KRT9: variants seen among roughly 807,000 people sequenced by gnomAD.
The protein encoded by KRT9 is keratin, type I cytoskeletal 9.
In KRT9, 34 loss-of-function variants were observed where a neutral mutation model predicts 51.4. The observed-to-expected ratio is 0.66, with a 90% CI of 0.50 to 0.88. The LOEUF is 0.88. Ranked by LOEUF, KRT9 falls within the 40% of genes least tolerant of loss-of-function variation. The probability of loss-of-function intolerance (pLI) is 0.00; values close to 1 mark genes in which losing one functional copy is unlikely to be tolerated. For missense variants in KRT9, 753 were observed against 790.3 expected, an observed-to-expected ratio of 0.95 and a Z score of 0.57; for synonymous variants, 292 against 289.7, an observed-to-expected ratio of 1.01 and a Z score of -0.08.
In KRT9 at chr17:41,572,006, G is replaced by A; in HGVS notation, c.-14C>T. On this transcript the variant is annotated 5_prime_UTR_variant, in exon 1 of 8. Coordinates refer to ENST00000246662, the MANE Select transcript of KRT9 (RefSeq NM_000226.4). ...TCTGCAGCTCATGACACAGCTGGTAGCTCACGGGTTGAGAAGCAGTGATAG... is the reference window on the plus strand; with the variant it reads ...TCTGCAGCTCATGACACAGCTGGTAACTCACGGGTTGAGAAGCAGTGATAG... 1 of 1,567,164 alleles carries A rather than the reference G, an allele frequency of 6.4e-7. No individual in the cohort carries two copies. The highest frequency in any genetic ancestry group is 8.6e-7 in the Non-Finnish European group (1 of 1,159,772).
In KRT9 at chr17:41,568,154, G is replaced by A. The variant is rs761668776; in HGVS notation, c.1394+8C>T. Reference sequence around the variant, plus strand: ...CCCAGGGGTTCCACCAAATCCTGGGGGACCTACAAGTCTTCCTGGCCTCCC... The same window carrying A: ...CCCAGGGGTTCCACCAAATCCTGGGAGACCTACAAGTCTTCCTGGCCTCCC... On this transcript the variant is annotated splice_region_variant and intron_variant, in intron 6 of 7. Coordinates refer to ENST00000246662, the MANE Select transcript of KRT9 (RefSeq NM_000226.4). The A allele has an allele frequency of 1.2e-6, 2 of 1,611,618 alleles. No individual in the cohort carries two copies. The highest frequency in any genetic ancestry group is 1.7e-6 in the Non-Finnish European group (2 of 1,178,498).
rs1310435573 is a variant in KRT9, at chr17:41,571,917, C to T, written c.76G>A (p.Gly26Ser). ...GGGGGGLGSG[G>S]SIRSSYSRFS... ...CGGCTGTAGGAAGACCTTATGCTGCCCCCGCTGCCCAGGCCGCCCCCGCCA... is the reference window on the plus strand; with the variant it reads ...CGGCTGTAGGAAGACCTTATGCTGCTCCCGCTGCCCAGGCCGCCCCCGCCA... Residue 26 changes from glycine (G) to serine (S), a missense_variant, in exon 1 of 8, where the codon GGC becomes AGC. By Grantham distance (56) the Gly-to-Ser change is moderately conservative (BLOSUM62 0). Around this residue, in one of 3 missense-constraint regions of KRT9, gnomAD observed 241 missense variants for 210.3 expected, o/e 1.15. Transcript: ENST00000246662. 6.3e-7 allele frequency: 1 copy of T among 1,593,708 alleles called. No individual in the cohort carries two copies. The highest frequency in any genetic ancestry group is 2.3e-5 in the East Asian group (1 of 43,942).
chr17:41,569,918 C>T lies in KRT9; in HGVS notation c.823G>A (p.Glu275Lys), dbSNP rs1426874974. ...DNLTMEKSDL[E>K]MQYETLQEEL... is the part of the protein sequence containing the mutation. ...TCCTGCAGAGTCTCATACTGCATCTCCAGGTCAGACTTCTCCATGGTCAGA... is the reference window on the plus strand; with the variant it reads ...TCCTGCAGAGTCTCATACTGCATCTTCAGGTCAGACTTCTCCATGGTCAGA... The change falls in exon 3 of 8, where the codon GAG becomes AAG. Residue 275 changes from glutamate (E) to lysine (K), a missense_variant. By Grantham distance (56) the Glu-to-Lys change is moderately conservative. Around this residue, in one of 3 missense-constraint regions of KRT9, gnomAD observed 507 missense variants for 563.7 expected, o/e 0.90. Coordinates refer to ENST00000246662, the MANE Select transcript of KRT9 (RefSeq NM_000226.4). The T allele has an allele frequency of 1.2e-6, 2 of 1,614,160 alleles. No individual in the cohort carries two copies. The highest frequency in any genetic ancestry group is 2.2e-5 in the East Asian group (1 of 44,880).
rs1451230751 is a variant in KRT9, at chr17:41,568,163, A to G, written c.1393T>C (p.Phe465Leu). The change falls in exon 6 of 8, where the codon TTT (phenylalanine) becomes CTT (leucine). Residue 465 changes from phenylalanine (F) to leucine (L), a missense_variant and splice_region_variant. This residue lies in a region of KRT9 where 507 missense variants were observed against 563.7 expected (regional missense o/e 0.90). Transcript: ENST00000246662. ...HNLLEGGQED[F>L]ESSGAGKIGL... The stretch of plus-strand genomic sequence containing the variant: ...TCCACCAAATCCTGGGGGACCTACA[A>G]GTCTTCCTGGCCTCCCTCAAGGAGG... 1 of 1,613,252 alleles carries G rather than the reference A, an allele frequency of 6.2e-7. No homozygotes were observed. The highest frequency in any genetic ancestry group is 1.1e-5 in the South Asian group (1 of 91,028).
intron 1 of KRT9, 63 bp from the exon 2 acceptor site, chr17:41,570,283 C>T (rs1907039656): frequency 7.4e-7 from 1 of 1,349,766 alleles, no homozygotes; most frequent in African/African-American, 1.4e-5. Context: ...GGGCAAGAGG[C>T]CAGGCAAAGC....
At position 41,569,426 on chromosome 17, in the gene KRT9, C is replaced by A. The variant is rs763513114; in HGVS notation, c.1044G>T (p.Gln348His). The A allele has an allele frequency of 1.9e-6, 3 of 1,613,790 alleles. No homozygotes were observed. The African/African-American group carries it at 4.0e-5, about 22-fold the overall frequency. ...RKDIENQYET[Q>H]ITQIEHEVSS... Reference sequence around the variant, plus strand: ...TGAATGGGCAGCCCACTCTGCTCACCTGAGTCTCATATTGATTCTCGATGT... The same window carrying A: ...TGAATGGGCAGCCCACTCTGCTCACATGAGTCTCATATTGATTCTCGATGT... The change falls in exon 4 of 8, where the codon CAG (glutamine) becomes CAT (histidine). Residue 348 changes from glutamine to histidine, a missense_variant and splice_region_variant. By Grantham distance (24) the Gln-to-His change is conservative. This residue lies in a region of KRT9 where 507 missense variants were observed against 563.7 expected (regional missense o/e 0.90). Coordinates refer to ENST00000246662, the MANE Select transcript of KRT9 (RefSeq NM_000226.4).
rs1177281124 is a variant in KRT9, at chr17:41,568,242, G to C, written c.1314C>G (p.Ser438Arg). Residue 438 changes from serine to arginine, a missense_variant, in exon 6 of 8, where the codon AGC becomes AGG. Ser to Arg is a moderately radical substitution (Grantham distance 110). This residue lies in a region of KRT9 where 507 missense variants were observed against 563.7 expected (regional missense o/e 0.90). Transcript: ENST00000246662. ...GCCGCATCTTAATGCTGAGCAGAAG[G>C]CTGTATTCCTGATTCTGGCACTCGA... ...QEIECQNQEY[S>R]LLLSIKMRLE... 1 of 1,614,006 alleles carries C rather than the reference G, an allele frequency of 6.2e-7. No individual in the cohort carries two copies. The highest frequency in any genetic ancestry group is 2.2e-5 in the East Asian group (1 of 44,890).
At chr17:41,566,882 G>A (rs190745565) in intron 7 of KRT9, among the ~76,000 whole-genome samples, 2 of 152,318 alleles carry the variant, frequency 1.3e-5, no homozygotes, top group East Asian at 3.9e-4. Flanking sequence ...CCCTTCATTT[G>A]TGATTGTATG....
rs1269331557 is a variant in KRT9, at chr17:41,568,314, C to T, written c.1242G>A (p.Glu414=). The T allele has an allele frequency of 6.2e-7, 1 of 1,614,208 alleles. No homozygotes were observed. The highest frequency in any genetic ancestry group is 8.5e-7 in the Non-Finnish European group (1 of 1,180,032). ...RYCGQLQMIQ[E]QISNLEAQIT... is the part of the protein sequence containing the mutation. ...TCTGGGCCTCCAAGTTACTGATCTG[C>T]TCCTGGATCATCTGCAGCTGGCCAC... Residue 414 remains glutamate, a synonymous_variant, in exon 6 of 8, where the codon GAG becomes GAA. Transcript: ENST00000246662.
At position 41,567,570 on chromosome 17, in the gene KRT9, A is replaced by G; in HGVS notation, c.1575T>C (p.Gly525=). The G allele has an allele frequency of 6.5e-7, 1 of 1,549,112 alleles. No individual in the cohort carries two copies. The highest frequency in any genetic ancestry group is 8.7e-7 in the Non-Finnish European group (1 of 1,147,268). The change falls in exon 7 of 8, where the codon GGT becomes GGC. Residue 525 remains glycine (G), a synonymous_variant. Coordinates refer to ENST00000246662, the MANE Select transcript of KRT9 (RefSeq NM_000226.4). ...AGCCACCTCCACTACCTCCTCCAGAACCACTTCCTCCACCGTAGCTGCCTC... is the reference window on the plus strand; with the variant it reads ...AGCCACCTCCACTACCTCCTCCAGAGCCACTTCCTCCACCGTAGCTGCCTC... ...GSGGSYGGGS[G]SGGGSGGGYG... is the part of the protein sequence containing the mutation.
chr17:41,571,564 T>A lies in KRT9; in HGVS notation c.429A>T (p.Gly143=), dbSNP rs8075921. Residue 143 remains glycine, a synonymous_variant, in exon 1 of 8, where the codon GGA becomes GGT. Coordinates refer to ENST00000246662, the MANE Select transcript of KRT9 (RefSeq NM_000226.4). ...GFGGFGGGAG[G]GDGGILTANE... ...TAGCAGTCAGAATACCACCATCACC[T>A]CCTCCAGCACCACCTCCAAAGCCCC... The A allele has an allele frequency of 3.0e-5, 48 of 1,611,266 alleles. No individual in the cohort carries two copies. The highest frequency in any genetic ancestry group is 1.2e-4 in the South Asian group (11 of 90,944).
At position 41,567,305 on chromosome 17, in the gene KRT9, C is replaced by G. The variant is rs765577453; in HGVS notation, c.1840G>C (p.Gly614Arg). The change falls in exon 7 of 8, where the codon GGA (glycine) becomes CGA (arginine). Residue 614 changes from glycine to arginine, a missense_variant. By Grantham distance (125) the Gly-to-Arg change is moderately radical. This residue lies in a region of KRT9 where 507 missense variants were observed against 563.7 expected (regional missense o/e 0.90). Coordinates refer to ENST00000246662, the MANE Select transcript of KRT9 (RefSeq NM_000226.4). Reference sequence around the variant, plus strand: ...TGGGATGATTTTCCGCTTCCTCCTCCGTAGCCGCCACCACTTCCACTCGCT... The same window carrying G: ...TGGGATGATTTTCCGCTTCCTCCTCGGTAGCCGCCACCACTTCCACTCGCT... Reference protein sequence around the residue: ...EEASGSGGGYGGGSGKSSHS With the variant: ...EEASGSGGGYRGGSGKSSHS The G allele has an allele frequency of 6.2e-7, 1 of 1,614,176 alleles. No homozygotes were observed. Among genetic ancestry groups the G allele is most frequent in the Admixed American group, 1.7e-5 (1 of 60,026 alleles).
chr17:41,567,655 T>G lies in KRT9; in HGVS notation c.1490A>C (p.Tyr497Ser). Residue 497 changes from tyrosine (Y) to serine (S), a missense_variant, in exon 7 of 8, where the codon TAT becomes TCT. Transcript: ENST00000246662. ...RGSRGGSGGSYGGGGSGGGYG... is the reference protein window; with the variant it reads ...RGSRGGSGGSSGGGGSGGGYG... ...GCCACCTCCACTTCCTCCTCCACCA[T>G]AGCTGCCTCCACTTCCTCCCCTGGA... 6.2e-7 allele frequency: 1 copy of G among 1,606,560 alleles called. No individual in the cohort carries two copies. The highest frequency in any genetic ancestry group is 8.5e-7 in the Non-Finnish European group (1 of 1,176,286).
intron 7 of KRT9, 101 bp downstream of exon 7, chr17:41,567,132 C>A: frequency 6.4e-7 from 1 of 1,559,926 alleles, no homozygotes; most frequent in Non-Finnish European, 8.7e-7. Flanking sequence ...TAACATCTAG[C>A]TCTATTCAGA....
In KRT9 at chr17:41,567,340, C is replaced by T. The variant is rs1906902202; in HGVS notation, c.1805G>A (p.Gly602Asp). 1 of 1,613,972 alleles carries T rather than the reference C, an allele frequency of 6.2e-7. No homozygotes were observed. The change falls in exon 7 of 8, where the codon GGC becomes GAC. Residue 602 changes from glycine to aspartate, a missense_variant. Around this residue, in one of 3 missense-constraint regions of KRT9, gnomAD observed 507 missense variants for 563.7 expected, o/e 0.90. Transcript: ENST00000246662. ...ACCACTTCCACTCGCTTCTTCACCGCCTCCGTAGCTGCCTCCACTTTCACC... is the reference window on the plus strand; with the variant it reads ...ACCACTTCCACTCGCTTCTTCACCGTCTCCGTAGCTGCCTCCACTTTCACC... Reference protein sequence around the residue: ...FGGESGGSYGGGEEASGSGGG... With the variant: ...FGGESGGSYGDGEEASGSGGG...
At position 41,571,604 on chromosome 17, in the gene KRT9, C is replaced by T; in HGVS notation, c.389G>A (p.Gly130Glu). 4 of 1,606,600 alleles carry T rather than the reference C, an allele frequency of 2.5e-6. No homozygotes were observed. Among genetic ancestry groups the T allele is most frequent in the Non-Finnish European group, 3.4e-6 (4 of 1,176,088 alleles). Residue 130 changes from glycine (G) to glutamate (E), a missense_variant, in exon 1 of 8, where the codon GGG becomes GAG. Gly to Glu is a moderately conservative substitution (Grantham distance 98, BLOSUM62 -2). Coordinates refer to ENST00000246662, the MANE Select transcript of KRT9 (RefSeq NM_000226.4). ...TCCAAAGCCCCCAAACCCCCCAAAC[C>T]CACTCCCATAGCCACCACCAAAGCC... ...GGGFGGGYGS[G>E]FGGFGGFGGG...
chr17:41,570,171 T>G lies in KRT9; in HGVS notation c.692A>C (p.Asn231Thr). The G allele has an allele frequency of 6.2e-7, 1 of 1,614,096 alleles. No homozygotes were observed. The highest frequency in any genetic ancestry group is 8.5e-7 in the Non-Finnish European group (1 of 1,180,008). ...GNNKTLLDIDNTRMTLDDFRI... is the reference protein window; with the variant it reads ...GNNKTLLDIDTTRMTLDDFRI... ...GAAGTCATCCAGTGTCATGCGAGTG[T>G]TGTCAATGTCCAGGAGAGTTTTGTT... The change falls in exon 2 of 8, where the codon AAC (asparagine) becomes ACC (threonine). Residue 231 changes from asparagine (N) to threonine (T), a missense_variant. Asn to Thr is a moderately conservative substitution (Grantham distance 65, BLOSUM62 0). This residue lies in a region of KRT9 where 507 missense variants were observed against 563.7 expected (regional missense o/e 0.90). Coordinates refer to ENST00000246662, the MANE Select transcript of KRT9 (RefSeq NM_000226.4).
At chr17:41,568,670 C>A (rs375185443) in intron 4 of KRT9, 37 bp from the exon 5 acceptor site, 1 of 1,613,710 alleles carries the variant, frequency 6.2e-7, no homozygotes, top group Non-Finnish European at 8.5e-7. Context: ...TCAGGCTGTG[C>A]CAGGAGCTTC....
At chr17:41,566,527 A>G (rs1187127663) in intron 7 of KRT9, among the ~76,000 whole-genome samples, 5 of 152,218 alleles carry the variant, frequency 3.3e-5, no homozygotes, top group African/African-American at 1.2e-4. Flanking sequence ...ACCACATTAG[A>G]CACCCTGCAG....
Sources: gnomAD v4.1 joint callset for allele counts (sites outside exome capture counted in the v4.1 genomes callset) on GRCh38, gnomAD v4.1.1 for gene constraint, gnomAD v4.1.1 regional missense constraint, MANE v1.5 for transcripts, NCBI Gene and HGNC (gene_info 2026-07-23, HGNC 2026-07-21) for gene names.